C3orf20: variants seen among roughly 807,000 people sequenced by gnomAD.
C3orf20 encodes family with sequence similarity 149 member C.
A neutral mutation model predicts 88.3 loss-of-function variants in C3orf20; 76 were observed. The observed-to-expected ratio is 0.86, with a 90% confidence interval of 0.72 to 1.04. The LOEUF (loss-of-function observed/expected upper bound fraction) is 1.04. Among genes scored for constraint, C3orf20 ranks in the 50% least tolerant of loss-of-function variants. The pLI is 0.00. For missense variants in C3orf20, 1,056 were observed against 1,123.3 expected, an observed-to-expected ratio of 0.94 and a Z score of 0.86; for synonymous variants, 436 against 437.4, an observed-to-expected ratio of 1.00 and a Z score of 0.04.
At chr3:14,728,941 T>C (rs2034450946) in intron 12 of C3orf20, among the ~76,000 whole-genome samples, 1 of 152,202 alleles carries the variant, frequency 6.6e-6, no homozygotes, top group South Asian at 2.1e-4. Context: ...GCCAATTTTT[T>C]GTGGGTGAGC....
chr3:14,679,931 G>T (rs1352853748), intron 1 of C3orf20, among the ~76,000 whole-genome samples: 1 of 152,204 alleles, frequency 6.6e-6, no homozygotes, highest in Admixed American at 6.5e-5. Context: ...TAGGGAATTA[G>T]TCATTAGGGA....
chr3:14,761,354 G>T (rs571967570), intron 14 of C3orf20, 119 bp from the exon 15 acceptor site: 7 of 1,227,014 alleles, frequency 5.7e-6, no homozygotes, highest in Non-Finnish European at 8.2e-6. Flanking sequence ...GCCTCACGGC[G>T]TAAGCTCTGA....
In C3orf20 at chr3:14,721,706, C is replaced by T. The variant is rs1468632586; in HGVS notation, c.1488C>T (p.Thr496=). 1 of 1,614,058 alleles carries T rather than the reference C, an allele frequency of 6.2e-7. No homozygotes were observed. Among genetic ancestry groups the T allele is most frequent in the East Asian group, 2.2e-5 (1 of 44,888 alleles). Residue 496 remains threonine, a synonymous_variant, in exon 10 of 17, where the codon ACC becomes ACT. Transcript: ENST00000253697. ...TGGGACAGGACTCCATCACAGTCACCTTCACCTCCCTGAATGAGACAGTAA... is the reference window on the plus strand; with the variant it reads ...TGGGACAGGACTCCATCACAGTCACTTTCACCTCCCTGAATGAGACAGTAA... ...KVLGQDSITV[T]FTSLNETVTL...
In C3orf20 at chr3:14,726,992, C is replaced by T. The variant is rs2034373658; in HGVS notation, c.1658C>T (p.Thr553Ile). Residue 553 changes from threonine to isoleucine, a missense_variant, in exon 11 of 17, where the codon ACT becomes ATT. Physicochemically the swap from Thr to Ile is moderately conservative, Grantham distance 89 (BLOSUM62 -1). Coordinates refer to ENST00000253697, the MANE Select transcript of C3orf20 (RefSeq NM_032137.5). ...EIKKRFQKTV[T>I]QFINSILLAA... Reference sequence around the variant, plus strand: ...AAGAAGCGGTTTCAGAAGACAGTGACTCAGTTCATTAATTCTATCTTGCTG... The same window carrying T: ...AAGAAGCGGTTTCAGAAGACAGTGATTCAGTTCATTAATTCTATCTTGCTG... 1.9e-6 allele frequency: 3 copies of T among 1,614,176 alleles called. No individual in the cohort carries two copies. The highest frequency in any genetic ancestry group is 2.5e-6 in the Non-Finnish European group (3 of 1,180,036).
chr3:14,696,808 A>G lies in C3orf20; in HGVS notation c.746-6322A>G, dbSNP rs980985472. Among the ~76,000 whole-genome samples, 4 of 151,912 alleles carry G rather than the reference A, an allele frequency of 2.6e-5. No individual in the cohort carries two copies. In the East Asian group the frequency reaches 7.8e-4, roughly 29 times the overall value. On this transcript the variant is annotated intron_variant, in intron 5 of 16. Coordinates refer to ENST00000253697, the MANE Select transcript of C3orf20 (RefSeq NM_032137.5). ...TATTACCAGTGAGTTTTATACTAAC[A>G]CCTTTTCTTTCTGATTGAAGTACTG...
intron 10 of C3orf20, chr3:14,722,156 T>A: frequency 3.5e-6 from 1 of 283,474 alleles, no homozygotes; most frequent in East Asian, 8.1e-5. Flanking sequence ...CTTTGTTGGC[T>A]TCATTCTCAA....
chr3:14,731,642 T>C (rs982537225), intron 12 of C3orf20, among the ~76,000 whole-genome samples: 8 of 152,168 alleles, frequency 5.3e-5, no homozygotes, highest in African/African-American at 1.7e-4. Flanking sequence ...TTTTAGTGGG[T>C]ACTGGTCACA....
At chr3:14,687,233 C>A (rs1320551806) in intron 4 of C3orf20, among the ~76,000 whole-genome samples, 1 of 152,184 alleles carries the variant, frequency 6.6e-6, no homozygotes, top group African/African-American at 2.4e-5. Context: ...CCTTGAAAAA[C>A]CCAGCAGTCA....
chr3:14,752,087 C>G (rs2035235703), intron 12 of C3orf20, among the ~76,000 whole-genome samples: 1 of 152,192 alleles, frequency 6.6e-6, no homozygotes, highest in Middle Eastern at 3.2e-3. Context: ...AACTACACTA[C>G]AAGGCTACAG....
intron 12 of C3orf20, among the ~76,000 whole-genome samples, chr3:14,752,889 G>A (rs1406320410): frequency 6.6e-6 from 1 of 152,174 alleles, no homozygotes; most frequent in Non-Finnish European, 1.5e-5. Context: ...CACTATTGGT[G>A]GGAGTGTAAA....
rs558271958 is a variant in C3orf20, at chr3:14,680,657, G to T, written c.-298-1513G>T. Among the ~76,000 whole-genome samples the T allele has an allele frequency of 7.2e-5, 11 of 152,318 alleles. No individual in the cohort carries two copies. The East Asian group carries it at 1.5e-3, about 21-fold the overall frequency. On this transcript the variant is annotated intron_variant, in intron 1 of 16. Transcript: ENST00000253697. The stretch of plus-strand genomic sequence containing the variant: ...ATGTGAATTCTATCTCAATAAAGCT[G>T]TTCAAAAATTCAGTTTTTATCTGTA...
intron 11 of C3orf20, among the ~76,000 whole-genome samples, 169 bp from the exon 12 acceptor site, chr3:14,728,269 GA>G (rs1276339330): frequency 1.3e-5 from 2 of 152,180 alleles, no homozygotes; most frequent in Admixed American, 6.5e-5. Context: ...AGTGCACTGG[GA>G]CAGGAGTACT....
intron 12 of C3orf20, among the ~76,000 whole-genome samples, chr3:14,749,398 C>T (rs1423217632): frequency 6.6e-6 from 1 of 152,190 alleles, no homozygotes; most frequent in Non-Finnish European, 1.5e-5. Context: ...TGGACTCAAA[C>T]TCCTGGGCTC....
chr3:14,692,414 G>C (rs1309964435), intron 5 of C3orf20, among the ~76,000 whole-genome samples: 4 of 152,110 alleles, frequency 2.6e-5, no homozygotes, highest in Non-Finnish European at 5.9e-5. Context: ...ATTTGTTGTT[G>C]CCTGTCTTTT....
At chr3:14,733,136 T>C (rs4560282) in intron 12 of C3orf20, among the ~76,000 whole-genome samples, 134,548 of 152,070 alleles carry the variant, frequency 0.88, 59,622 homozygotes, top group Non-Finnish European at 0.91. Flanking sequence ...TTGCTAGTAT[T>C]TTGTTGAAGA....
At chr3:14,718,335 TATA>T (rs1482829544) in intron 9 of C3orf20, among the ~76,000 whole-genome samples, 1 of 152,172 alleles carries the variant, frequency 6.6e-6, no homozygotes, top group Non-Finnish European at 1.5e-5. Flanking sequence ...ATGATAATAA[TATA>T]ATAATTTAAA....
intron 15 of C3orf20, among the ~76,000 whole-genome samples, chr3:14,766,669 G>A (rs904753501): frequency 2.6e-5 from 4 of 152,346 alleles, no homozygotes; most frequent in Admixed American, 6.5e-5. Flanking sequence ...CAGTGGGGAC[G>A]AGGTACACAA....
chr3:14,723,644 C>T (rs1055859075), intron 10 of C3orf20, among the ~76,000 whole-genome samples: 1 of 152,168 alleles, frequency 6.6e-6, no homozygotes. Context: ...GTGAATCCGG[C>T]ATGCATTGGT....
intron 12 of C3orf20, among the ~76,000 whole-genome samples, chr3:14,736,590 C>CTTT (rs200133127): frequency 2.1e-5 from 3 of 143,330 alleles, no homozygotes; most frequent in African/African-American, 5.2e-5. Context: ...TGCGCCTGGC[C>CTTT]TTTTTTTTTT....
Sources: gnomAD v4.1 joint callset for allele counts (sites outside exome capture counted in the v4.1 genomes callset) on GRCh38, gnomAD v4.1.1 for gene constraint, MANE v1.5 for transcripts, NCBI Gene and HGNC (gene_info 2026-07-23, HGNC 2026-07-21) for gene names.